SLC4A4: variants seen among roughly 807,000 people sequenced by gnomAD.
SLC4A4 encodes solute carrier family 4 member 4, also known as electrogenic sodium bicarbonate cotransporter 1.
SLC4A4 carries 27 observed loss-of-function variants against 111.5 expected under a neutral mutation model. The ratio of observed to expected loss-of-function variants is 0.24; its 90% CI spans 0.18 to 0.33. The LOEUF is 0.33. Among genes scored for constraint, SLC4A4 ranks in the 10% least tolerant of loss-of-function variants. SLC4A4 has a pLI of 1.00. For synonymous variants in SLC4A4, 443 were observed against 463.4 expected, an observed-to-expected ratio of 0.96 and a Z score of 0.57; for missense variants, 909 against 1,315.5, an observed-to-expected ratio of 0.69 and a Z score of 4.78.
chr4:71,349,228 A>G (rs7671798), intron 4 of SLC4A4, among the ~76,000 whole-genome samples: 5,402 of 152,322 alleles, frequency 0.035, 323 homozygotes, highest in African/African-American at 0.12. Context: ...ATCTCATATT[A>G]TCAGAATAAT....
At chr4:71,345,348 G>T (rs1003635024) in intron 4 of SLC4A4, among the ~76,000 whole-genome samples, 2 of 152,094 alleles carry the variant, frequency 1.3e-5, no homozygotes, top group African/African-American at 4.8e-5. Flanking sequence ...TTTGAGTAGG[G>T]ATATCTCTGC....
In SLC4A4 at chr4:71,131,295, T is replaced by A. The variant is rs572967659; in HGVS notation, c.-2+38503T>A. On this transcript the variant is annotated intron_variant, in intron 2 of 26. Coordinates refer to the SLC4A4 transcript ENST00000649996. ...CTGTTTCTGAAGTGCACTTTCGCCG[T>A]CCCTCTAAAGATGTTGGTTCTTTTA... is the stretch of plus-strand genomic sequence containing the variant. 6.6e-5 allele frequency among the ~76,000 whole-genome samples: 10 copies of A among 152,256 alleles called. No individual in the cohort carries two copies. In the South Asian group the frequency reaches 1.7e-3, roughly 25 times the overall value.
rs1578128258 is a variant in SLC4A4, at chr4:71,532,195, T to C, written c.2280+20T>C. 2 of 1,334,728 alleles carry C rather than the reference T, an allele frequency of 1.5e-6. No homozygotes were observed. Among genetic ancestry groups the C allele is most frequent in the East Asian group, 4.6e-5 (2 of 43,494 alleles). 82.7% of individuals were successfully genotyped at this position (1,334,728 alleles called of 1,614,324 possible). ...TTCAAGGTAGGTGAATGTCTATCTT[T>C]TGGTCATTCCTGGAACTCTTTTTCT... On this transcript the variant is annotated intron_variant, in intron 17 of 25. Coordinates refer to ENST00000264485, the MANE Select transcript of SLC4A4 (RefSeq NM_001098484.3).
In SLC4A4 at chr4:71,549,021, T is replaced by G. The variant is rs1206407999; in HGVS notation, c.2694+1301T>G. ...TGAACTGGTTTAATTAATTTCTGACTGGATTCATGAGGAAATATGTATCTC... is the reference window on the plus strand; with the variant it reads ...TGAACTGGTTTAATTAATTTCTGACGGGATTCATGAGGAAATATGTATCTC... On this transcript the variant is annotated intron_variant, in intron 20 of 25. Coordinates refer to ENST00000264485, the MANE Select transcript of SLC4A4 (RefSeq NM_001098484.3). Among the ~76,000 whole-genome samples, 5 of 151,956 alleles carry G rather than the reference T, an allele frequency of 3.3e-5. No individual in the cohort carries two copies. The East Asian group carries it at 5.8e-4, about 18-fold the overall frequency.
intron 1 of SLC4A4, among the ~76,000 whole-genome samples, chr4:71,218,852 G>A (rs1196491264): frequency 6.6e-6 from 1 of 152,042 alleles, no homozygotes; most frequent in Non-Finnish European, 1.5e-5. Flanking sequence ...TTGTGAGTTG[G>A]CCTTGGAACC....
At chr4:71,369,676 T>C (rs566679089) in intron 6 of SLC4A4, among the ~76,000 whole-genome samples, 1 of 152,324 alleles carries the variant, frequency 6.6e-6, no homozygotes, top group African/African-American at 2.4e-5. Context: ...ATCTTTACTT[T>C]TTAAAAATTT....
intron 7 of SLC4A4, among the ~76,000 whole-genome samples, chr4:71,411,334 AC>A (rs1721342805): frequency 1.3e-5 from 2 of 151,548 alleles, no homozygotes; most frequent in Non-Finnish European, 2.9e-5. Context: ...TGTAAATGTC[AC>A]CTTTTCAGGG....
intron 21 of SLC4A4, among the ~76,000 whole-genome samples, chr4:71,556,161 A>G (rs559170319): frequency 6.6e-6 from 1 of 151,906 alleles, no homozygotes; most frequent in Non-Finnish European, 1.5e-5. Context: ...CAGACTACCA[A>G]AAAGAGAAAA....
At chr4:71,171,447 T>C (rs1442861231) in intron 2 of SLC4A4, among the ~76,000 whole-genome samples, 1 of 152,146 alleles carries the variant, frequency 6.6e-6, no homozygotes, top group Admixed American at 6.5e-5. Context: ...TTGAGGTCAG[T>C]CACTTGATGT....
At chr4:71,549,460 A>G (rs1479396520) in intron 20 of SLC4A4, among the ~76,000 whole-genome samples, 1 of 151,910 alleles carries the variant, frequency 6.6e-6, no homozygotes, top group Non-Finnish European at 1.5e-5. Flanking sequence ...AAGTAGGTGC[A>G]GAGTTTCTTT....
chr4:71,288,691 G>A (rs1344540644), intron 3 of SLC4A4, among the ~76,000 whole-genome samples: 1 of 152,042 alleles, frequency 6.6e-6, no homozygotes, highest in East Asian at 1.9e-4. Flanking sequence ...GAACCACTGT[G>A]CCTGGCCTAG....
intron 16 of SLC4A4, among the ~76,000 whole-genome samples, chr4:71,525,958 G>C (rs1733380192): frequency 6.6e-6 from 1 of 151,882 alleles, no homozygotes; most frequent in Non-Finnish European, 1.5e-5. Flanking sequence ...AAAGAGAGCA[G>C]TTCTTATCTC....
chr4:71,227,218 A>G (rs11731750), intron 1 of SLC4A4, among the ~76,000 whole-genome samples: 22,903 of 152,066 alleles, frequency 0.15, 2,044 homozygotes, highest in East Asian at 0.35. Flanking sequence ...CTAAGATGAT[A>G]TATTAATTAG....
At chr4:71,255,781 G>T (rs73826212) in intron 3 of SLC4A4, among the ~76,000 whole-genome samples, 1,904 of 152,270 alleles carry the variant, frequency 0.013, 47 homozygotes, top group African/African-American at 0.043. Flanking sequence ...AGCAGGTGAA[G>T]ATGAGAGTGT....
intron 1 of SLC4A4, among the ~76,000 whole-genome samples, chr4:71,067,254 GAA>G (rs1326593266): frequency 6.6e-6 from 1 of 152,008 alleles, no homozygotes; most frequent in Non-Finnish European, 1.5e-5. Context: ...TCTCAAAAAG[GAA>G]AGAGTTTTTT....
chr4:71,085,942 A>T (rs1207445230), intron 1 of SLC4A4, among the ~76,000 whole-genome samples: 1 of 152,026 alleles, frequency 6.6e-6, no homozygotes, highest in East Asian at 1.9e-4. Context: ...TCTGTGAAGA[A>T]AGTCTTTGGT....
chr4:71,094,761 G>T (rs1009605576), intron 2 of SLC4A4, among the ~76,000 whole-genome samples: 9 of 152,068 alleles, frequency 5.9e-5, no homozygotes, highest in African/African-American at 1.7e-4. Context: ...TTGTGTTAAA[G>T]TATGTGTGTG....
chr4:71,240,519 T>C (rs1420927877), intron 2 of SLC4A4, among the ~76,000 whole-genome samples: 1 of 152,180 alleles, frequency 6.6e-6, no homozygotes, highest in Non-Finnish European at 1.5e-5. Flanking sequence ...TCCTCTTCCA[T>C]TCAAAACTTA....
intron 1 of SLC4A4, among the ~76,000 whole-genome samples, chr4:71,080,301 TGG>T (rs1741957955): frequency 1.3e-5 from 2 of 152,058 alleles, no homozygotes; most frequent in Admixed American, 6.5e-5. Flanking sequence ...CTGGGTCTAC[TGG>T]GGTCAGCGTG....
Sources: allele counts gnomAD v4.1 joint callset (sites outside exome capture counted in the v4.1 genomes callset), GRCh38; gene constraint gnomAD v4.1.1; transcripts MANE v1.5; gene names NCBI Gene and HGNC (gene_info 2026-07-23, HGNC 2026-07-21).